The following SPAG16 variants were observed in gnomAD, a reference collection of about 807,000 sequenced individuals.
SPAG16 encodes the protein sperm-associated antigen 16 protein.
A neutral mutation model predicts 80.4 loss-of-function variants in SPAG16; 86 were observed. That is an observed-to-expected ratio of 1.07 (90% CI 0.90 to 1.28). The LOEUF (loss-of-function observed/expected upper bound fraction) is 1.28, where lower values mean the gene tolerates loss of function less well. Ranked by LOEUF, SPAG16 falls within the 50% of genes most tolerant of loss-of-function variation. SPAG16 has a pLI of 0.00. For missense variants in SPAG16, 870 were observed against 765.3 expected, an observed-to-expected ratio of 1.14 and a Z score of -1.61; for synonymous variants, 294 against 265.9, an observed-to-expected ratio of 1.11 and a Z score of -1.03.
At chr2:213,313,769 T>C (rs1255823578) in intron 4 of SPAG16, among the ~76,000 whole-genome samples, 1 of 151,848 alleles carries the variant, frequency 6.6e-6, no homozygotes, top group African/African-American at 2.4e-5. Context: ...ATGTCAGCCA[T>C]GCTATATTTT....
intron 15 of SPAG16, among the ~76,000 whole-genome samples, chr2:214,391,660 G>A (rs1701086331): frequency 6.6e-6 from 1 of 152,184 alleles, no homozygotes; most frequent in Admixed American, 6.5e-5. Flanking sequence ...ACTTAACAGA[G>A]TGGGAGAAGT....
At chr2:214,144,235 A>C (rs1437692431) in intron 14 of SPAG16, among the ~76,000 whole-genome samples, 2 of 152,200 alleles carry the variant, frequency 1.3e-5, no homozygotes, top group Admixed American at 6.6e-5. Context: ...TATTTGAATA[A>C]TATATAACTG....
intron 15 of SPAG16, among the ~76,000 whole-genome samples, chr2:214,203,369 C>CTCAAATCGTG (rs1225580825): frequency 6.6e-6 from 1 of 152,114 alleles, no homozygotes; most frequent in African/African-American, 2.4e-5. Flanking sequence ...CATGTGGAGA[C>CTCAAATCGTG]TCAAATCGTG....
At chr2:213,294,978 C>T (rs1461965377) in intron 1 of SPAG16, among the ~76,000 whole-genome samples, 1 of 152,072 alleles carries the variant, frequency 6.6e-6, no homozygotes, top group Non-Finnish European at 1.5e-5. Flanking sequence ...ACATGGAAAA[C>T]ACTTAGAACA....
At chr2:214,107,186 T>C (rs1049978591) in intron 13 of SPAG16, among the ~76,000 whole-genome samples, 1 of 152,176 alleles carries the variant, frequency 6.6e-6, no homozygotes, top group African/African-American at 2.4e-5. Flanking sequence ...TTCAGACTTA[T>C]TATCTTCTAG....
chr2:213,819,058 T>C (rs369958314), intron 10 of SPAG16, among the ~76,000 whole-genome samples: 70 of 152,318 alleles, frequency 4.6e-4, no homozygotes, highest in African/African-American at 1.4e-3. Flanking sequence ...TTTTAAGAAA[T>C]ACTAGTTATG....
intron 14 of SPAG16, among the ~76,000 whole-genome samples, chr2:214,132,876 T>C (rs1445073439): frequency 6.6e-6 from 1 of 152,102 alleles, no homozygotes; most frequent in African/African-American, 2.4e-5. Context: ...GCGGATCACC[T>C]GAGGTCGCGA....
At chr2:214,269,360 A>C (rs1013922996) in intron 15 of SPAG16, among the ~76,000 whole-genome samples, 10 of 152,010 alleles carry the variant, frequency 6.6e-5, no homozygotes, top group Non-Finnish European at 1.5e-4. Context: ...TCCATTTTAA[A>C]TGATTTCTTT....
intron 9 of SPAG16, among the ~76,000 whole-genome samples, chr2:213,378,802 G>A (rs115263702): frequency 3.9e-5 from 6 of 152,088 alleles, no homozygotes; most frequent in African/African-American, 1.2e-4. Context: ...ATTCCTGAAG[G>A]GTCTGGGCCA....
intron 14 of SPAG16, among the ~76,000 whole-genome samples, chr2:214,138,943 A>G (rs1453824559): frequency 6.6e-6 from 1 of 152,158 alleles, no homozygotes; most frequent in African/African-American, 2.4e-5. Context: ...TGAGATAGCA[A>G]ACCTATGACT....
At chr2:214,249,396 TAGA>T (rs1403802344) in intron 15 of SPAG16, among the ~76,000 whole-genome samples, 2 of 151,166 alleles carry the variant, frequency 1.3e-5, no homozygotes, top group East Asian at 2.0e-4. Flanking sequence ...AGATGTACAC[TAGA>T]AGAAGGAGAA....
At chr2:214,388,333 G>T (rs1700876282) in intron 15 of SPAG16, among the ~76,000 whole-genome samples, 2 of 152,002 alleles carry the variant, frequency 1.3e-5, no homozygotes, top group African/African-American at 4.8e-5. Context: ...GCCTTGGAAG[G>T]GCCTATACAA....
intron 10 of SPAG16, among the ~76,000 whole-genome samples, chr2:213,598,927 T>C (rs1224599006): frequency 6.6e-6 from 1 of 152,176 alleles, no homozygotes; most frequent in Admixed American, 6.5e-5. Flanking sequence ...CCTTTGAATA[T>C]GAAATATTTG....
intron 12 of SPAG16, among the ~76,000 whole-genome samples, chr2:213,932,544 G>T (rs2078812768): frequency 6.6e-6 from 1 of 152,038 alleles, no homozygotes. Context: ...TATATTGGTA[G>T]ACAGTATTAG....
At chr2:213,362,706 C>G (rs1477462597) in intron 7 of SPAG16, among the ~76,000 whole-genome samples, 1 of 152,094 alleles carries the variant, frequency 6.6e-6, no homozygotes, top group Non-Finnish European at 1.5e-5. Flanking sequence ...ACTAATGCTC[C>G]CCAAAATTGT....
chr2:214,095,900 T>C (rs1313432860), intron 13 of SPAG16, among the ~76,000 whole-genome samples: 4 of 151,956 alleles, frequency 2.6e-5, no homozygotes, highest in Admixed American at 1.3e-4. Context: ...GAAAAATGAC[T>C]GTTTCTATGG....
intron 15 of SPAG16, among the ~76,000 whole-genome samples, chr2:214,234,663 T>C (rs1688952916): frequency 6.6e-6 from 1 of 152,176 alleles, no homozygotes; most frequent in African/African-American, 2.4e-5. Context: ...TTTTTTCATA[T>C]GTTTGTTGGA....
intron 13 of SPAG16, among the ~76,000 whole-genome samples, chr2:214,063,361 G>C (rs1019705355): frequency 6.6e-6 from 1 of 152,072 alleles, no homozygotes; most frequent in Non-Finnish European, 1.5e-5. Flanking sequence ...TATTTTTCAT[G>C]GTTCTGGAGG....
intron 6 of SPAG16, among the ~76,000 whole-genome samples, chr2:213,346,530 G>T (rs2065000370): frequency 6.6e-6 from 1 of 152,112 alleles, no homozygotes; most frequent in Non-Finnish European, 1.5e-5. Flanking sequence ...GTCATAGATA[G>T]CTCTTATTAT....
Sources: gnomAD v4.1 joint callset for allele counts (sites outside exome capture counted in the v4.1 genomes callset) on GRCh38, gnomAD v4.1.1 for gene constraint, MANE v1.5 for transcripts, NCBI Gene and HGNC (gene_info 2026-07-23, HGNC 2026-07-21) for gene names.